The following WASHC3 variants were observed in gnomAD, a reference collection of about 807,000 sequenced individuals.
The protein encoded by WASHC3 is WASH complex subunit 3, also known as WASH complex subunit CCDC53.
Under a neutral mutation model 26.1 loss-of-function variants are expected in WASHC3, and 24 were observed. The ratio of observed to expected loss-of-function variants is 0.92; its 90% CI spans 0.66 to 1.29. WASHC3 has a LOEUF of 1.29. WASHC3 is among the 50% of genes most tolerant of loss of function. The pLI is 0.00. For synonymous variants in WASHC3, 77 were observed against 75.7 expected (o/e 1.02, Z -0.09); for missense variants, 214 against 229.6 (o/e 0.93, Z 0.44).
At chr12:102,052,380 ACACCTGCAGGCGAAGCCTTTAGGCC>A (rs1423182477) in intron 2 of WASHC3, among the ~76,000 whole-genome samples, 1 of 151,642 alleles carries the variant, frequency 6.6e-6, no homozygotes, top group African/African-American at 2.4e-5. Context: ...CTCCAGGCTG[ACACCTGCAGGCGAAGCCTTTAGGCC>A]CATCCTGGCA....
chr12:102,057,581 T>C (rs1395224854), intron 2 of WASHC3, among the ~76,000 whole-genome samples: 1 of 151,668 alleles, frequency 6.6e-6, no homozygotes, highest in Non-Finnish European at 1.5e-5. Context: ...CTGCAGGATA[T>C]AAAATCAACA....
intron 5 of WASHC3, among the ~76,000 whole-genome samples, chr12:102,028,471 G>C (rs1243835055): frequency 6.6e-6 from 1 of 152,032 alleles, no homozygotes; most frequent in Non-Finnish European, 1.5e-5. Context: ...GATGGTATAA[G>C]GTCTTTCTAT....
intron 6 of WASHC3, among the ~76,000 whole-genome samples, chr12:102,018,764 C>T (rs1249481135): frequency 1.3e-5 from 2 of 152,176 alleles, no homozygotes; most frequent in African/African-American, 4.8e-5. Flanking sequence ...GCCACTGCAC[C>T]TGGCTCCTCA....
intron 6 of WASHC3, 51 bp from the exon 7 acceptor site, chr12:102,013,243 C>A: frequency 1.2e-6 from 1 of 850,144 alleles, no homozygotes; most frequent in Non-Finnish European, 1.9e-6. Context: ...TTGAAAAGAG[C>A]ACTTACAAAC....
intron 4 of WASHC3, 119 bp downstream of exon 4, chr12:102,043,986 A>G: frequency 2.0e-6 from 1 of 488,036 alleles, no homozygotes; most frequent in Admixed American, 3.8e-5. Flanking sequence ...TTTCTATGTT[A>G]AGGTTTTAAA....
At chr12:102,053,993 T>A (rs1203241171) in intron 2 of WASHC3, among the ~76,000 whole-genome samples, 3 of 152,216 alleles carry the variant, frequency 2.0e-5, no homozygotes, top group African/African-American at 7.2e-5. Context: ...TTTTATGTTA[T>A]CAATTATGTT....
chr12:102,020,181 A>G (rs1334863761), intron 6 of WASHC3, among the ~76,000 whole-genome samples: 3 of 152,228 alleles, frequency 2.0e-5, no homozygotes, highest in Non-Finnish European at 2.9e-5. Context: ...CTGGAAAAAC[A>G]GCAATATTAA....
intron 5 of WASHC3, among the ~76,000 whole-genome samples, chr12:102,037,495 G>C (rs1166507692): frequency 1.3e-5 from 2 of 152,184 alleles, no homozygotes; most frequent in African/African-American, 2.4e-5. Context: ...TGAAGGAAGT[G>C]AGGGAGCAAA....
intron 2 of WASHC3, among the ~76,000 whole-genome samples, chr12:102,052,734 G>A (rs1303508613): frequency 6.6e-6 from 1 of 152,144 alleles, no homozygotes; most frequent in Non-Finnish European, 1.5e-5. Flanking sequence ...CCTAGTGGAA[G>A]TAGGGTTTAG....
chr12:102,022,713 C>G (rs1363648159), intron 6 of WASHC3, among the ~76,000 whole-genome samples: 1 of 152,194 alleles, frequency 6.6e-6, no homozygotes, highest in Non-Finnish European at 1.5e-5. Flanking sequence ...GTAGCAATTA[C>G]TAGGTAACAA....
At chr12:102,042,924 T>A (rs969044543) in intron 4 of WASHC3, among the ~76,000 whole-genome samples, 1 of 152,270 alleles carries the variant, frequency 6.6e-6, no homozygotes, top group Admixed American at 6.5e-5. Flanking sequence ...AAAGAATTTT[T>A]ATTTTTTGAA....
chr12:102,045,657 A>G (rs1878130288), intron 3 of WASHC3, among the ~76,000 whole-genome samples: 1 of 152,248 alleles, frequency 6.6e-6, no homozygotes, highest in Admixed American at 6.5e-5. Context: ...ATCTGCAAAT[A>G]GAAACAGCTG....
At chr12:102,039,310 C>T (rs1783629804) in intron 5 of WASHC3, among the ~76,000 whole-genome samples, 1 of 151,724 alleles carries the variant, frequency 6.6e-6, no homozygotes, top group Non-Finnish European at 1.5e-5. Context: ...TGATGGACAA[C>T]TACCTCTTTC....
At chr12:102,030,001 A>AC (rs1380403004) in intron 5 of WASHC3, among the ~76,000 whole-genome samples, 1 of 152,182 alleles carries the variant, frequency 6.6e-6, no homozygotes, top group East Asian at 1.9e-4. Flanking sequence ...CTATTTAAAA[A>AC]ATACTTTACT....
At chr12:102,060,401 T>TCCCG (rs959054575) in intron 2 of WASHC3, among the ~76,000 whole-genome samples, 1 of 152,208 alleles carries the variant, frequency 6.6e-6, no homozygotes, top group African/African-American at 2.4e-5. Context: ...TGCCTCTGCC[T>TCCCG]CCCGAGTAGC....
At chr12:102,015,043 C>T (rs1214661754) in intron 6 of WASHC3, among the ~76,000 whole-genome samples, 1 of 152,140 alleles carries the variant, frequency 6.6e-6, no homozygotes, top group Non-Finnish European at 1.5e-5. Context: ...CGATTCATGC[C>T]TGTAATCCCA....
intron 2 of WASHC3, among the ~76,000 whole-genome samples, chr12:102,058,075 A>C (rs904440179): frequency 1.3e-5 from 2 of 152,138 alleles, no homozygotes; most frequent in African/African-American, 2.4e-5. Context: ...GCCCAGAAAT[A>C]AATCCATGCA....
intron 2 of WASHC3, among the ~76,000 whole-genome samples, chr12:102,049,399 TC>T (rs1878299443): frequency 6.6e-6 from 1 of 152,234 alleles, no homozygotes; most frequent in African/African-American, 2.4e-5. Flanking sequence ...TAACAGTCTT[TC>T]CCATCCATTT....
intron 2 of WASHC3, among the ~76,000 whole-genome samples, chr12:102,048,664 T>G (rs1878265679): frequency 6.6e-6 from 1 of 152,026 alleles, no homozygotes; most frequent in Non-Finnish European, 1.5e-5. Context: ...CACATCACAA[T>G]TGCTGCAGAT....
Sources: allele counts gnomAD v4.1 joint callset (sites outside exome capture counted in the v4.1 genomes callset), GRCh38; gene constraint gnomAD v4.1.1; transcripts MANE v1.5; gene names NCBI Gene and HGNC (gene_info 2026-07-23, HGNC 2026-07-21).